Variants in FABP12 observed in about 807,000 individuals in gnomAD.
FABP12 encodes fatty acid-binding protein 12.
Under a neutral mutation model 13.7 loss-of-function variants are expected in FABP12, and 19 were observed. The ratio of observed to expected loss-of-function variants is 1.39; its 90% CI spans 0.97 to 2.04. The LOEUF is 2.04. Among genes scored for constraint, FABP12 ranks in the 30% most tolerant of loss-of-function variants. The probability of loss-of-function intolerance (pLI) is 0.00; values close to 1 mark genes in which losing one functional copy is unlikely to be tolerated. For missense variants in FABP12, 182 were observed against 164.2 expected, an observed-to-expected ratio of 1.11 and a Z score of -0.59; for synonymous variants, 61 against 57.0, an observed-to-expected ratio of 1.07 and a Z score of -0.32.
At chr8:81,563,786 T>C (rs555551493) in intron 1 of FABP12, among the ~76,000 whole-genome samples, 9 of 151,996 alleles carry the variant, frequency 5.9e-5, no homozygotes, top group African/African-American at 1.7e-4. Flanking sequence ...ACCCACAAGA[T>C]CTAGAAAATA....
At chr8:81,566,642 T>C (rs1809827884) in intron 1 of FABP12, among the ~76,000 whole-genome samples, 1 of 151,242 alleles carries the variant, frequency 6.6e-6, no homozygotes, top group African/African-American at 2.4e-5. Context: ...AAAAACCATA[T>C]ATAGATGGAA....
At chr8:81,536,637 C>T (rs928018250), upstream of FABP12, among the ~76,000 whole-genome samples, 3 of 152,132 alleles carry the variant, frequency 2.0e-5, no homozygotes, top group South Asian at 2.1e-4. Flanking sequence ...AATAGAAATC[C>T]GAAATGTTTC....
At chr8:81,526,995 A>T in intron 4 of FABP12, 25 bp downstream of exon 4, 1 of 1,386,044 alleles carries the variant, frequency 7.2e-7, no homozygotes, top group Non-Finnish European at 1.0e-6. Flanking sequence ...GAAGGTGGGA[A>T]GAAAGCGAGG....
At chr8:81,567,997 C>T (rs1374215201) in intron 1 of FABP12, among the ~76,000 whole-genome samples, 2 of 152,132 alleles carry the variant, frequency 1.3e-5, no homozygotes, top group African/African-American at 2.4e-5. Flanking sequence ...GTGGCGGGCT[C>T]CTGTAGTCCC....
intron 1 of FABP12, among the ~76,000 whole-genome samples, chr8:81,580,370 T>C: frequency 6.6e-6 from 1 of 152,320 alleles, no homozygotes; most frequent in East Asian, 1.9e-4. Context: ...ATGAACTCTA[T>C]TTTACTTTTA....
intron 1 of FABP12, among the ~76,000 whole-genome samples, chr8:81,552,076 G>T (rs1216446331): frequency 6.6e-6 from 1 of 152,142 alleles, no homozygotes; most frequent in Non-Finnish European, 1.5e-5. Flanking sequence ...AATGCAAGCA[G>T]AGATCTGATG....
intron 3 of FABP12, among the ~76,000 whole-genome samples, chr8:81,528,342 G>A (rs937764865): frequency 6.6e-6 from 1 of 152,170 alleles, no homozygotes; most frequent in Non-Finnish European, 1.5e-5. Context: ...GCCTCCCAAA[G>A]TGCTGGGATT....
chr8:81,548,790 T>C (rs1477498243), intron 1 of FABP12, among the ~76,000 whole-genome samples: 1 of 152,138 alleles, frequency 6.6e-6, no homozygotes, highest in Non-Finnish European at 1.5e-5. Flanking sequence ...ATAGCATGTA[T>C]GGTGTGGGGG....
At chr8:81,536,793 G>A (rs1809232462), upstream of FABP12, among the ~76,000 whole-genome samples, 1 of 152,196 alleles carries the variant, frequency 6.6e-6, no homozygotes, top group South Asian at 2.1e-4. Flanking sequence ...AAATCCAGCT[G>A]CCACGTGTAG....
chr8:81,537,590 G>A (rs1264210202), upstream of FABP12, among the ~76,000 whole-genome samples: 3 of 152,136 alleles, frequency 2.0e-5, no homozygotes, highest in African/African-American at 7.2e-5. Flanking sequence ...AAAAATTAGC[G>A]ACCTAAATAT....
intron 4 of FABP12, 151 bp downstream of exon 4, chr8:81,526,869 A>G (rs566712459): frequency 1.8e-6 from 1 of 565,456 alleles, no homozygotes; most frequent in African/African-American, 1.9e-5. Flanking sequence ...TATAATGCTT[A>G]CGATTATACA....
At chr8:81,535,050 G>A (rs1185198484), upstream of FABP12, among the ~76,000 whole-genome samples, 2 of 152,220 alleles carry the variant, frequency 1.3e-5, no homozygotes, top group African/African-American at 2.4e-5. Flanking sequence ...TGGTCTGACT[G>A]AACACCATGT....
At chr8:81,561,699 G>A (rs892187994) in intron 1 of FABP12, among the ~76,000 whole-genome samples, 3 of 152,122 alleles carry the variant, frequency 2.0e-5, no homozygotes, top group African/African-American at 7.2e-5. Flanking sequence ...TGTCAAAGCC[G>A]AAAGCAACAC....
At chr8:81,573,079 C>T (rs1338728083) in intron 1 of FABP12, among the ~76,000 whole-genome samples, 1 of 152,120 alleles carries the variant, frequency 6.6e-6, no homozygotes, top group African/African-American at 2.4e-5. Flanking sequence ...TTTATAGCTT[C>T]AGGTCTTAGA....
intron 1 of FABP12, among the ~76,000 whole-genome samples, chr8:81,580,360 A>G (rs917231720): frequency 6.6e-6 from 1 of 152,178 alleles, no homozygotes; most frequent in Non-Finnish European, 1.5e-5. Flanking sequence ...ATGCCTTTAG[A>G]TGAACTCTAT....
At chr8:81,567,513 G>A (rs1016854016) in intron 1 of FABP12, among the ~76,000 whole-genome samples, 1 of 152,132 alleles carries the variant, frequency 6.6e-6, no homozygotes, top group Non-Finnish European at 1.5e-5. Flanking sequence ...TAAATCTAGA[G>A]TAAACTCCTA....
At chr8:81,547,078 T>C (rs1176644229) in intron 1 of FABP12, among the ~76,000 whole-genome samples, 1 of 152,228 alleles carries the variant, frequency 6.6e-6, no homozygotes, top group African/African-American at 2.4e-5. Context: ...CACTTACAGC[T>C]AGAGAGAAGA....
intron 1 of FABP12, among the ~76,000 whole-genome samples, chr8:81,585,765 T>C (rs1810229821): frequency 1.3e-5 from 2 of 152,206 alleles, no homozygotes. Context: ...CACTGTTTTA[T>C]TGGTTTTTTT....
chr8:81,525,190 T>C lies in FABP12; in HGVS notation c.349-70A>G, dbSNP rs1408234932. 7.0e-6 allele frequency: 7 copies of C among 1,007,078 alleles called. No homozygotes were observed. In the Admixed American group the frequency reaches 1.2e-4, roughly 18 times the overall value. The allele number at this position is 1,007,078 out of a possible 1,614,324, so 62.4% of individuals were successfully genotyped here. On this transcript the variant is annotated intron_variant, in intron 4 of 4. Transcript: ENST00000360464. ...AATTAACATTTAGAAAAGTGCAAAC[T>C]AAGTACTATCCACACATACATTCCT...
Sources: gnomAD v4.1 joint callset for allele counts (sites outside exome capture counted in the v4.1 genomes callset) on GRCh38, gnomAD v4.1.1 for gene constraint, MANE v1.5 for transcripts, NCBI Gene and HGNC (gene_info 2026-07-23, HGNC 2026-07-21) for gene names.